COL6A3: variants seen among roughly 807,000 people sequenced by gnomAD.
The protein encoded by COL6A3 is collagen type VI alpha 3 chain, also known as collagen alpha-3(VI) chain.
COL6A3 carries 137 observed loss-of-function variants against 274.1 expected under a neutral mutation model. The observed-to-expected ratio is 0.50, with a 90% CI of 0.44 to 0.58. COL6A3 has a LOEUF of 0.58. Ranked by LOEUF, COL6A3 falls within the 20% of genes least tolerant of loss-of-function variation. The pLI, the probability that COL6A3 is intolerant of heterozygous loss-of-function variation, is 0.00. For synonymous variants in COL6A3, 1,650 were observed against 1,650.6 expected (o/e 1.00, Z 0.01); for missense variants, 3,950 against 4,124.9 (o/e 0.96, Z 1.16).
intron 16 of COL6A3, 60 bp from the exon 17 acceptor site, chr2:237,360,219 G>C: frequency 6.5e-7 from 1 of 1,537,432 alleles, no homozygotes; most frequent in South Asian, 1.1e-5. Flanking sequence ...TTTCTCTGCC[G>C]GGCTTGCAGC....
chr2:237,381,457 C>G lies in COL6A3; in HGVS notation c.1355G>C (p.Gly452Ala), dbSNP rs777078456. 2.5e-6 allele frequency: 4 copies of G among 1,608,266 alleles called. No homozygotes were observed. Among genetic ancestry groups the G allele is most frequent in the Non-Finnish European group, 3.4e-6 (4 of 1,179,994 alleles). ...GTTGGCCAGTCCCAGTGCAGATGAGCCATCCACCAGGAAGACTATGTCTCT... is the reference window on the plus strand; with the variant it reads ...GTTGGCCAGTCCCAGTGCAGATGAGGCATCCACCAGGAAGACTATGTCTCT... ...NKRDIVFLVD[G>A]SSALGLANFN... is the part of the protein sequence containing the mutation. Residue 452 changes from glycine to alanine, a missense_variant, in exon 5 of 44, where the codon GGC becomes GCC. This residue lies in a region of COL6A3 where 1,934 missense variants were observed against 1,984.3 expected (regional missense o/e 0.97). Coordinates refer to ENST00000295550, the MANE Select transcript of COL6A3 (RefSeq NM_004369.4).
chr2:237,374,448 T>C lies in COL6A3; in HGVS notation c.3643A>G (p.Arg1215Gly), dbSNP rs1463148346. The C allele has an allele frequency of 1.9e-6, 3 of 1,613,534 alleles. No individual in the cohort carries two copies. Among genetic ancestry groups the C allele is most frequent in the Admixed American group, 1.7e-5 (1 of 60,014 alleles). ...VTQLTREELSRLQPVLQPLPS... is the reference protein window; with the variant it reads ...VTQLTREELSGLQPVLQPLPS... ...AGAGGCTGCAACACCGGCTGCAGCC[T>C]GCTCAGCTCCTCGCGGGTGAGCTGG... Residue 1215 changes from arginine to glycine, a missense_variant, in exon 8 of 44, where the codon AGG (arginine) becomes GGG (glycine). This residue lies in a region of COL6A3 where 1,934 missense variants were observed against 1,984.3 expected (regional missense o/e 0.97). Transcript: ENST00000295550. This position sits in a 1 kb window ranked among gnomAD's most constrained non-coding sequence, Gnocchi z 4.8.
intron 18 of COL6A3, 37 bp from the exon 19 acceptor site, chr2:237,359,287 G>A: frequency 6.2e-7 from 1 of 1,614,048 alleles, no homozygotes; most frequent in Non-Finnish European, 8.5e-7. Context: ...AGTATAGAAA[G>A]CTATTCTGGC....
intron 24 of COL6A3, among the ~76,000 whole-genome samples, chr2:237,354,116 A>T (rs2077265775): frequency 6.6e-6 from 1 of 150,528 alleles, no homozygotes; most frequent in Non-Finnish European, 1.5e-5. Flanking sequence ...GGTTCAAGTG[A>T]TTCTCTTGCC....
intron 1 of COL6A3, among the ~76,000 whole-genome samples, chr2:237,403,721 T>C (rs1003045034): frequency 1.3e-5 from 2 of 152,068 alleles, no homozygotes; most frequent in African/African-American, 4.8e-5. Context: ...GGTTTGATAA[T>C]GCTCCCAAGC....
At chr2:237,405,259 T>G (rs772318426) in intron 1 of COL6A3, among the ~76,000 whole-genome samples, 1 of 152,192 alleles carries the variant, frequency 6.6e-6, no homozygotes, top group Non-Finnish European at 1.5e-5. Context: ...GTCTTGTGGC[T>G]CGTGGGCTCC....
chr2:237,337,975 T>C lies in COL6A3; in HGVS notation c.8567+1040A>G, dbSNP rs112737490. On this transcript the variant is annotated intron_variant, in intron 39 of 43. Coordinates refer to ENST00000295550, the MANE Select transcript of COL6A3 (RefSeq NM_004369.4). ...TTAATAATTTTAAGAAGACATGGAG[T>C]CTATTTTTTGATGTATCCAATCCTT... Among the ~76,000 whole-genome samples, 560 of 152,198 alleles carry C rather than the reference T, an allele frequency of 3.7e-3. 7 individuals are homozygous for C. The highest frequency in any genetic ancestry group is 0.013 in the African/African-American group (523 of 41,516).
intron 36 of COL6A3, chr2:237,343,962 A>G (rs1391431421): frequency 3.7e-5 from 13 of 353,922 alleles, no homozygotes; most frequent in Non-Finnish European, 6.6e-5. Context: ...ACAGTAAGAC[A>G]CAGCTCAGAG....
Position 237,371,528 on chromosome 2 carries a change from G to T in COL6A3, c.4285+204C>A. ...TGGGAGGTTGGCTGGATCCCAGAAG[G>T]CAGAGGTTAAAATGAGTTATGATCA... On this transcript the variant is annotated intron_variant, in intron 9 of 43. Coordinates refer to ENST00000295550, the MANE Select transcript of COL6A3 (RefSeq NM_004369.4). The surrounding 1 kb of genome is among the most constrained non-coding windows in gnomAD (Gnocchi z 4.3). 1 of 1,166,062 alleles carries T rather than the reference G, an allele frequency of 8.6e-7. No homozygotes were observed. The highest frequency in any genetic ancestry group is 1.1e-6 in the Non-Finnish European group (1 of 880,750). 72.2% of individuals were successfully genotyped at this position (1,166,062 alleles called of 1,614,324 possible).
rs2077594634 is a variant in COL6A3, at chr2:237,368,035, G to A, written c.4900+528C>T. 6.6e-6 allele frequency among the ~76,000 whole-genome samples: 1 copy of A among 152,212 alleles called. No individual in the cohort carries two copies. The highest frequency in any genetic ancestry group is 2.4e-5 in the African/African-American group (1 of 41,448). On this transcript the variant is annotated intron_variant, in intron 10 of 43. Transcript: ENST00000295550. This position sits in a 1 kb window ranked among gnomAD's most constrained non-coding sequence, Gnocchi z 4.4. ...ATGTCTACATGGCGATTACTTGGAG[G>A]AGGGACAAAGAAAAATATGGGCTGG...
intron 3 of COL6A3, among the ~76,000 whole-genome samples, chr2:237,391,342 T>C (rs2078281242): frequency 1.3e-5 from 2 of 152,230 alleles, no homozygotes; most frequent in African/African-American, 4.8e-5. Context: ...TTATCATCTG[T>C]GTGGAAACAC....
chr2:237,381,139 C>A lies in COL6A3; in HGVS notation c.1673G>T (p.Gly558Val). The part of the protein sequence containing the change: ...GIPKLLVLIT[G>V]GKSLDEISQP... ...GCTGATTTCATCTAGGGACTTACCA[C>A]CTGTGATCAGCACCAAAAGCTTAGG... is the stretch of plus-strand genomic sequence containing the variant. Residue 558 changes from glycine (G) to valine (V), a missense_variant, in exon 5 of 44, where the codon GGT becomes GTT. Coordinates refer to ENST00000295550, the MANE Select transcript of COL6A3 (RefSeq NM_004369.4). 1 of 1,614,270 alleles carries A rather than the reference C, an allele frequency of 6.2e-7. No individual in the cohort carries two copies. Among genetic ancestry groups the A allele is most frequent in the Non-Finnish European group, 8.5e-7 (1 of 1,180,052 alleles).
Position 237,363,299 on chromosome 2 carries a change from A to G in COL6A3, c.6017T>C (p.Leu2006Pro). ...ATCCAAGTCCAGCAAGTTAAGCCTCAGGGGCCTGTCATACATAAACCCTCG... is the reference window on the plus strand; with the variant it reads ...ATCCAAGTCCAGCAAGTTAAGCCTCGGGGGCCTGTCATACATAAACCCTCG... The part of the protein sequence containing the change: ...FGRGFMYDRP[L>P]RLNLLDLDYE... Residue 2006 changes from leucine to proline, a missense_variant, in exon 14 of 44, where the codon CTG becomes CCG. Leu to Pro is a moderately conservative substitution (Grantham distance 98). This residue lies in a region of COL6A3 where 632 missense variants were observed against 623.4 expected (regional missense o/e 1.01). Transcript: ENST00000295550. 6.2e-7 allele frequency: 1 copy of G among 1,614,174 alleles called. No individual in the cohort carries two copies. The highest frequency in any genetic ancestry group is 8.5e-7 in the Non-Finnish European group (1 of 1,180,036).
In COL6A3 at chr2:237,367,165, G is replaced by T. The variant is rs1323343442; in HGVS notation, c.5022C>A (p.Asp1674Glu). 6.2e-7 allele frequency: 1 copy of T among 1,614,084 alleles called. No homozygotes were observed. Among genetic ancestry groups the T allele is most frequent in the Non-Finnish European group, 8.5e-7 (1 of 1,180,046 alleles). The change falls in exon 11 of 44, where the codon GAC becomes GAA. Residue 1674 changes from aspartate (D) to glutamate (E), a missense_variant. Physicochemically the swap from Asp to Glu is conservative, Grantham distance 45 (BLOSUM62 2). Around this residue, in one of 5 missense-constraint regions of COL6A3, gnomAD observed 632 missense variants for 623.4 expected, o/e 1.01. Transcript: ENST00000295550. ...ACTGGACAAGCCCCACTTGGATGGA[G>T]TCGCCATCTTCATAAACTGTGTCCA... ...EIVDTVYEDG[D>E]SIQVGLVQYN... is the part of the protein sequence containing the mutation.
chr2:237,410,126 G>A (rs566365416), intron 1 of COL6A3, among the ~76,000 whole-genome samples: 27 of 152,140 alleles, frequency 1.8e-4, no homozygotes, highest in African/African-American at 5.8e-4. Flanking sequence ...GCTCTGCTGA[G>A]ATGGTCATCA....
intron 28 of COL6A3, 92 bp downstream of exon 28, chr2:237,350,055 G>C: frequency 8.5e-7 from 1 of 1,171,676 alleles, no homozygotes; most frequent in Non-Finnish European, 1.3e-6. Flanking sequence ...CAAGAAGCAA[G>C]GCTCATCTTT....
intron 37 of COL6A3, among the ~76,000 whole-genome samples, chr2:237,341,543 TAAAAAAAAAAAAAAAA>T (rs71039760): frequency 2.0e-5 from 1 of 49,098 alleles, no homozygotes; most frequent in South Asian, 1.0e-3. Flanking sequence ...AGACTCTGTC[TAAAAAAAAAAAAAAAA>T]AAAAAAAAAA....
chr2:237,325,081 T>A (rs961612879), intron 43 of COL6A3, among the ~76,000 whole-genome samples: 1 of 152,188 alleles, frequency 6.6e-6, no homozygotes, highest in African/African-American at 2.4e-5. Flanking sequence ...TTATACGAAC[T>A]GAACTCTCCC....
At chr2:237,350,060 A>G (rs1433070091) in intron 28 of COL6A3, 87 bp downstream of exon 28, 1 of 1,236,180 alleles carries the variant, frequency 8.1e-7, no homozygotes, top group Non-Finnish European at 1.2e-6. Context: ...AGCAAGGCTC[A>G]TCTTTATTTG....
Sources: gnomAD v4.1 joint callset for allele counts (sites outside exome capture counted in the v4.1 genomes callset) on GRCh38, gnomAD v4.1.1 for gene constraint, gnomAD v4.1.1 regional missense constraint, Gnocchi (gnomAD v3.1) non-coding constraint, MANE v1.5 for transcripts, NCBI Gene and HGNC (gene_info 2026-07-23, HGNC 2026-07-21) for gene names.